The following LRRFIP2 variants were observed in gnomAD, a reference collection of about 807,000 sequenced individuals.
LRRFIP2 encodes leucine-rich repeat flightless-interacting protein 2.
A neutral mutation model predicts 125.9 loss-of-function variants in LRRFIP2; 109 were observed. The observed-to-expected ratio is 0.87, with a 90% CI of 0.74 to 1.01. The LOEUF is 1.01. LRRFIP2 is among the 50% of genes least tolerant of loss of function. The pLI, the probability that LRRFIP2 is intolerant of heterozygous loss-of-function variation, is 0.00. For synonymous variants in LRRFIP2, 291 were observed against 293.1 expected, an observed-to-expected ratio of 0.99 and a Z score of 0.07; for missense variants, 850 against 862.3, an observed-to-expected ratio of 0.99 and a Z score of 0.18.
At chr3:37,123,899 A>C (rs2095171102) in intron 4 of LRRFIP2, among the ~76,000 whole-genome samples, 1 of 152,228 alleles carries the variant, frequency 6.6e-6, no homozygotes, top group African/African-American at 2.4e-5. Context: ...AATAAAAACA[A>C]TTATAAATTA....
intron 1 of LRRFIP2, among the ~76,000 whole-genome samples, chr3:37,172,216 T>C (rs2096595447): frequency 6.6e-6 from 1 of 152,250 alleles, no homozygotes; most frequent in Admixed American, 6.5e-5. Flanking sequence ...AAGACTTATA[T>C]ATGTATTGTT....
rs754714818 is a variant in LRRFIP2, at chr3:37,121,683, C to T, written c.237G>A (p.Ser79=). The T allele has an allele frequency of 6.2e-6, 10 of 1,613,894 alleles. No individual in the cohort carries two copies. The highest frequency in any genetic ancestry group is 1.6e-4 in the Middle Eastern group (1 of 6,080). Residue 79 remains serine, a synonymous_variant, in exon 5 of 28, where the codon TCG becomes TCA. Coordinates refer to ENST00000336686, the MANE Select transcript of LRRFIP2 (RefSeq NM_006309.4). ...WGQIQKWLED[S]ERARYSHRSS... ...ACCGGTGGGAATACCTGGCCCTTTC[C>T]GAATCTTCCTGGGAAAGGAGAAAGT...
chr3:37,126,917 A>C (rs1216225827), intron 4 of LRRFIP2, among the ~76,000 whole-genome samples: 1 of 152,166 alleles, frequency 6.6e-6, no homozygotes, highest in Non-Finnish European at 1.5e-5. Context: ...GCAATCAGAC[A>C]GTGGTTCTTA....
At chr3:37,055,896 G>T (rs554687658) in intron 25 of LRRFIP2, among the ~76,000 whole-genome samples, 1 of 152,154 alleles carries the variant, frequency 6.6e-6, no homozygotes, top group Non-Finnish European at 1.5e-5. Flanking sequence ...GTCCAATACT[G>T]TAAGGGTCCT....
intron 1 of LRRFIP2, chr3:37,154,644 G>C (rs947987648): frequency 1.3e-5 from 2 of 152,342 alleles, no homozygotes; most frequent in Admixed American, 6.5e-5. Context: ...TCAGGATCTT[G>C]CAGAATATAA....
rs757955296 is a variant in LRRFIP2, at chr3:37,065,953, G to C, written c.1567-11C>G. On this transcript the variant is annotated splice_polypyrimidine_tract_variant and intron_variant, in intron 22 of 27. Transcript: ENST00000336686. The stretch of plus-strand genomic sequence containing the variant: ...AACTAAGCCATGTTTCTGCAGGGGG[G>C]AAAAACCCACCATCACAAAAGGCCC... 1.7e-5 allele frequency: 27 copies of C among 1,613,768 alleles called. No individual in the cohort carries two copies. The South Asian group carries it at 2.7e-4, about 16-fold the overall frequency.
chr3:37,090,484 C>A (rs571073733), intron 18 of LRRFIP2, among the ~76,000 whole-genome samples: 1 of 152,300 alleles, frequency 6.6e-6, no homozygotes, highest in South Asian at 2.1e-4. Context: ...CCCACCTCGG[C>A]CTCCCAAAGT....
In LRRFIP2 at chr3:37,111,053, A is replaced by C; in HGVS notation, c.451T>G (p.Phe151Val). ...SHKDLLSGLYFDQRNYSSLRH... is the reference protein window; with the variant it reads ...SHKDLLSGLYVDQRNYSSLRH... ...AGACTGCTATAGTTTCTCTGGTCAA[A>C]GTAGAGGCCACTCTGCAAAAAGCAA... The change falls in exon 9 of 28, where the codon TTT (phenylalanine) becomes GTT (valine). Residue 151 changes from phenylalanine (F) to valine (V), a missense_variant. Coordinates refer to ENST00000336686, the MANE Select transcript of LRRFIP2 (RefSeq NM_006309.4). The C allele has an allele frequency of 6.2e-7, 1 of 1,613,708 alleles. No individual in the cohort carries two copies. The highest frequency in any genetic ancestry group is 8.5e-7 in the Non-Finnish European group (1 of 1,179,788).
intron 4 of LRRFIP2, 93 bp from the exon 5 acceptor site, chr3:37,121,784 G>A: frequency 3.3e-6 from 4 of 1,194,454 alleles, no homozygotes; most frequent in Non-Finnish European, 4.9e-6. Context: ...TAACAGCACA[G>A]CAACAACTCC....
At chr3:37,163,324 GTTTTCCC>G (rs980553730) in intron 1 of LRRFIP2, among the ~76,000 whole-genome samples, 43 of 152,192 alleles carry the variant, frequency 2.8e-4, no homozygotes, top group Non-Finnish European at 2.8e-4. Context: ...TGACCAAGGC[GTTTTCCC>G]TTTCCTTCCT....
At chr3:37,153,808 C>G (rs576293773) in intron 1 of LRRFIP2, among the ~76,000 whole-genome samples, 107 of 152,244 alleles carry the variant, frequency 7.0e-4, no homozygotes, top group Non-Finnish European at 7.3e-4. Flanking sequence ...GTCATATCTA[C>G]AGAGAACACC....
intron 13 of LRRFIP2, among the ~76,000 whole-genome samples, chr3:37,107,129 C>T (rs2094366011): frequency 6.6e-6 from 1 of 152,018 alleles, no homozygotes; most frequent in Non-Finnish European, 1.5e-5. Flanking sequence ...GTCTCAAACT[C>T]CCGATCTCAG....
intron 15 of LRRFIP2, among the ~76,000 whole-genome samples, chr3:37,101,937 G>T (rs1222799454): frequency 6.6e-6 from 1 of 152,172 alleles, no homozygotes; most frequent in Non-Finnish European, 1.5e-5. Flanking sequence ...CCTGATGAAT[G>T]TGGGAGCAAT....
At chr3:37,092,410 CTG>C (rs1266932393) in intron 17 of LRRFIP2, among the ~76,000 whole-genome samples, 14 of 152,288 alleles carry the variant, frequency 9.2e-5, no homozygotes, top group Non-Finnish European at 1.5e-4. Context: ...GTAGGTTTGA[CTG>C]TCTTTTACTT....
chr3:37,158,605 C>CA (rs11423668), intron 1 of LRRFIP2, among the ~76,000 whole-genome samples: 53,683 of 126,566 alleles, frequency 0.42, 10,888 homozygotes, highest in Non-Finnish European at 0.5. Context: ...AGACTCCTCT[C>CA]AAAAAAAAAA....
intron 1 of LRRFIP2, among the ~76,000 whole-genome samples, chr3:37,155,198 G>C (rs1006458064): frequency 6.6e-6 from 1 of 152,116 alleles, no homozygotes; most frequent in African/African-American, 2.4e-5. Context: ...TTAATGTGAA[G>C]CTCAAATGAA....
chr3:37,071,592 C>T (rs2091194841), intron 21 of LRRFIP2, among the ~76,000 whole-genome samples: 1 of 152,184 alleles, frequency 6.6e-6, no homozygotes, highest in Non-Finnish European at 1.5e-5. Context: ...CTGCTGACTA[C>T]TGGTTGGGCT....
chr3:37,082,272 A>T (rs1157056387), intron 19 of LRRFIP2, among the ~76,000 whole-genome samples: 1 of 152,224 alleles, frequency 6.6e-6, no homozygotes, highest in East Asian at 1.9e-4. Context: ...CATATCTAGC[A>T]TATATAATGC....
rs1248602952 is a variant in LRRFIP2 at position 37,134,812 on chromosome 3, T to G, written c.91-5663A>C. 1.4e-5 allele frequency: 12 copies of G among 881,782 alleles called. No homozygotes were observed. The East Asian group carries it at 3.0e-4, about 22-fold the overall frequency. 54.6% of individuals were successfully genotyped at this position (881,782 alleles called of 1,614,324 possible). A position where few individuals can be genotyped will look rare whatever the true frequency, so the allele number is the denominator to read the frequency against. ...CCATATCAAAGCGGTGTATTCTTTTTGGCAATTCATTTTCCTACAGACTGC... is the reference window on the plus strand; with the variant it reads ...CCATATCAAAGCGGTGTATTCTTTTGGGCAATTCATTTTCCTACAGACTGC... On this transcript the variant is annotated intron_variant, in intron 2 of 27. Transcript: ENST00000336686.
Sources: allele counts gnomAD v4.1 joint callset (sites outside exome capture counted in the v4.1 genomes callset), GRCh38; gene constraint gnomAD v4.1.1; transcripts MANE v1.5; gene names NCBI Gene and HGNC (gene_info 2026-07-23, HGNC 2026-07-21).